PTPRN2: variants seen among roughly 807,000 people sequenced by gnomAD.
PTPRN2 encodes receptor-type tyrosine-protein phosphatase N2.
PTPRN2 carries 74 observed loss-of-function variants against 118.8 expected under a neutral mutation model. The observed-to-expected ratio is 0.62, with a 90% CI of 0.52 to 0.76. PTPRN2 has a LOEUF of 0.76. Ranked by LOEUF, PTPRN2 falls within the 30% of genes least tolerant of loss-of-function variation. The pLI, the probability that PTPRN2 is intolerant of heterozygous loss-of-function variation, is 0.00. For missense variants in PTPRN2, 1,481 were observed against 1,394.4 expected, an observed-to-expected ratio of 1.06 and a Z score of -0.99; for synonymous variants, 641 against 608.0, an observed-to-expected ratio of 1.05 and a Z score of -0.80.
intron 11 of PTPRN2, among the ~76,000 whole-genome samples, chr7:157,979,107 C>T (rs997553228): frequency 5.3e-5 from 8 of 152,028 alleles, no homozygotes; most frequent in South Asian, 4.1e-4. Context: ...ATCGCCCCCG[C>T]GGCCCTGGCA....
chr7:158,108,055 G>A (rs1815830291), intron 10 of PTPRN2, among the ~76,000 whole-genome samples: 1 of 150,900 alleles, frequency 6.6e-6, no homozygotes, highest in Non-Finnish European at 1.5e-5. Context: ...TCTCAGCATA[G>A]CCCCTTCCTA....
At chr7:158,291,687 C>T (rs1800128299) in intron 3 of PTPRN2, among the ~76,000 whole-genome samples, 1 of 152,222 alleles carries the variant, frequency 6.6e-6, no homozygotes, top group African/African-American at 2.4e-5. Context: ...AGGCTGAATA[C>T]AGTGTTAAAT....
chr7:157,763,077 C>T lies in PTPRN2; in HGVS notation c.1789-80140G>A, dbSNP rs576919289. On this transcript the variant is annotated intron_variant, in intron 12 of 22. Transcript: ENST00000389418. This position sits in a 1 kb window ranked among gnomAD's most constrained non-coding sequence, Gnocchi z 4.9. ...CTCCATCAGAGCCCACGGCCGCCCA[C>T]TCATGGTCACAGAGCTAACCATCAG... Among the ~76,000 whole-genome samples the T allele has an allele frequency of 6.6e-6, 1 of 151,840 alleles. No individual in the cohort carries two copies. The highest frequency in any genetic ancestry group is 1.5e-5 in the Non-Finnish European group (1 of 67,984).
intron 13 of PTPRN2, among the ~76,000 whole-genome samples, chr7:157,675,061 C>A (rs1796599595): frequency 6.7e-6 from 1 of 148,316 alleles, no homozygotes; most frequent in Non-Finnish European, 1.5e-5. Flanking sequence ...CTCCTGGTAC[C>A]CGCCTGCTGG....
chr7:158,542,582 T>C (rs1826051496), intron 1 of PTPRN2, among the ~76,000 whole-genome samples: 1 of 152,220 alleles, frequency 6.6e-6, no homozygotes, highest in Non-Finnish European at 1.5e-5. Context: ...TAAATGTAGC[T>C]GAAGAGGCTG....
chr7:157,922,349 G>C (rs1798735174), intron 11 of PTPRN2, among the ~76,000 whole-genome samples: 1 of 152,184 alleles, frequency 6.6e-6, no homozygotes, highest in South Asian at 2.1e-4. Flanking sequence ...ACTGCATCCT[G>C]ACTTGGAACA....
chr7:158,439,472 AGTG>A (rs1423026526), intron 2 of PTPRN2, among the ~76,000 whole-genome samples: 4 of 152,202 alleles, frequency 2.6e-5, no homozygotes, highest in African/African-American at 9.6e-5. Context: ...ACAGAGAAGA[AGTG>A]GGGAAGAGAG....
chr7:158,461,680 G>A (rs916984595), intron 2 of PTPRN2, among the ~76,000 whole-genome samples: 1 of 152,226 alleles, frequency 6.6e-6, no homozygotes, highest in African/African-American at 2.4e-5. Flanking sequence ...GGTACTACAC[G>A]CGAGCATTTC....
At chr7:157,744,027 G>A (rs1040023656) in intron 12 of PTPRN2, among the ~76,000 whole-genome samples, 4 of 152,198 alleles carry the variant, frequency 2.6e-5, no homozygotes, top group African/African-American at 7.2e-5. Flanking sequence ...TCCGGGGCAC[G>A]ACTCTGACGC....
chr7:158,074,609 G>A (rs969641098), intron 11 of PTPRN2, among the ~76,000 whole-genome samples: 2 of 152,174 alleles, frequency 1.3e-5, no homozygotes, highest in South Asian at 2.1e-4. Context: ...CGCAGTAGAC[G>A]TGCCGACGTG....
intron 14 of PTPRN2, among the ~76,000 whole-genome samples, chr7:157,649,784 T>C (rs1301599336): frequency 1.3e-5 from 2 of 149,766 alleles, no homozygotes; most frequent in African/African-American, 5.0e-5. Flanking sequence ...CTGAACTTGG[T>C]GGGTCGGACC....
chr7:158,262,245 CA>C (rs1307894142), intron 3 of PTPRN2, among the ~76,000 whole-genome samples: 1 of 152,160 alleles, frequency 6.6e-6, no homozygotes, highest in African/African-American at 2.4e-5. Context: ...CACAGGCACT[CA>C]CACTCACAGA....
intron 2 of PTPRN2, among the ~76,000 whole-genome samples, chr7:158,465,277 T>C (rs1670365): frequency 0.7 from 106,177 of 152,128 alleles, 37,295 homozygotes; most frequent in Admixed American, 0.78. Context: ...GAGACTGTCT[T>C]GATTCTCCCA....
intron 2 of PTPRN2, among the ~76,000 whole-genome samples, chr7:158,423,292 G>A (rs1815415959): frequency 6.6e-6 from 1 of 152,258 alleles, no homozygotes; most frequent in Non-Finnish European, 1.5e-5. Flanking sequence ...CGGCAGTGAA[G>A]GAAGTGGATT....
At chr7:158,342,385 C>T (rs1807058449) in intron 2 of PTPRN2, among the ~76,000 whole-genome samples, 2 of 146,948 alleles carry the variant, frequency 1.4e-5, no homozygotes, top group Admixed American at 1.4e-4. Context: ...TAAGAGCTGA[C>T]ATCTGCAGAC....
chr7:158,543,763 G>C (rs1378193983), intron 1 of PTPRN2, among the ~76,000 whole-genome samples: 3 of 152,214 alleles, frequency 2.0e-5, no homozygotes, highest in African/African-American at 7.2e-5. Flanking sequence ...AAATTAGTTT[G>C]TCAAAATACA....
At chr7:158,191,572 A>T (rs1825768681) in intron 5 of PTPRN2, among the ~76,000 whole-genome samples, 1 of 152,138 alleles carries the variant, frequency 6.6e-6, no homozygotes, top group African/African-American at 2.4e-5. Flanking sequence ...CTCTGGCCTA[A>T]CAAGTCGTCA....
At chr7:158,146,531 C>T (rs772867264) in intron 6 of PTPRN2, among the ~76,000 whole-genome samples, 3 of 151,934 alleles carry the variant, frequency 2.0e-5, no homozygotes, top group African/African-American at 2.4e-5. Context: ...ACCATCCTGA[C>T]TAACATGGTG....
intron 2 of PTPRN2, among the ~76,000 whole-genome samples, chr7:158,346,221 C>G (rs761890188): frequency 2.0e-5 from 3 of 152,194 alleles, no homozygotes; most frequent in Non-Finnish European, 2.9e-5. Context: ...CTGTTATCTT[C>G]ATCACACTGT....
Sources: gnomAD v4.1 joint callset for allele counts (sites outside exome capture counted in the v4.1 genomes callset) on GRCh38, gnomAD v4.1.1 for gene constraint, Gnocchi (gnomAD v3.1) non-coding constraint, MANE v1.5 for transcripts, NCBI Gene and HGNC (gene_info 2026-07-23, HGNC 2026-07-21) for gene names.